APPBP2: variants seen among roughly 807,000 people sequenced by gnomAD.
The protein encoded by APPBP2 is amyloid beta precursor protein binding protein 2, also known as amyloid protein-binding protein 2.
A neutral mutation model predicts 76.0 loss-of-function variants in APPBP2; 15 were observed. The observed-to-expected ratio is 0.20, with a 90% CI of 0.13 to 0.30. APPBP2 has a LOEUF of 0.30. Ranked by LOEUF, APPBP2 falls within the 10% of genes least tolerant of loss-of-function variation. The pLI, the probability that APPBP2 is intolerant of heterozygous loss-of-function variation, is 1.00. For missense variants in APPBP2, 401 were observed against 687.2 expected (o/e 0.58, Z 4.66); for synonymous variants, 222 against 242.2 (o/e 0.92, Z 0.77).
chr17:60,469,483 G>C (rs80145958), intron 4 of APPBP2, among the ~76,000 whole-genome samples: 2,289 of 152,064 alleles, frequency 0.015, 49 homozygotes, highest in African/African-American at 0.051. Context: ...ATACAATTCA[G>C]TGGCATTAAT....
chr17:60,513,464 C>A (rs1345094630), intron 1 of APPBP2: 5 of 592,144 alleles, frequency 8.4e-6, no homozygotes, highest in Non-Finnish European at 1.6e-5. Flanking sequence ...ATAATGCCAA[C>A]AGGGCATTTC....
intron 11 of APPBP2, among the ~76,000 whole-genome samples, chr17:60,453,713 CT>C (rs2090413058): frequency 6.6e-6 from 1 of 151,258 alleles, no homozygotes; most frequent in African/African-American, 2.4e-5. Context: ...CTAACTTTTT[CT>C]TTTTTGTAGA....
chr17:60,456,523 A>C (rs1322194447), intron 9 of APPBP2, 142 bp from the exon 10 acceptor site: 2 of 623,340 alleles, frequency 3.2e-6, no homozygotes, highest in Non-Finnish European at 5.5e-6. Context: ...TTTTGTTTTA[A>C]ATTTCCAATC....
At chr17:60,458,201 A>AG (rs1389673175) in intron 9 of APPBP2, among the ~76,000 whole-genome samples, 3 of 152,168 alleles carry the variant, frequency 2.0e-5, no homozygotes, top group Non-Finnish European at 4.4e-5. Context: ...TAGGAGGCCA[A>AG]GGGGGGCAGA....
chr17:60,462,069 T>C lies in APPBP2; in HGVS notation c.763-8A>G, dbSNP rs1567921119. Reference sequence around the variant, plus strand: ...ACGTTTTACTACACAAGCCTAAAGATAAAGTGAAAAATGGTTAACTCTCAA... The same window carrying C: ...ACGTTTTACTACACAAGCCTAAAGACAAAGTGAAAAATGGTTAACTCTCAA... On this transcript the variant is annotated splice_polypyrimidine_tract_variant and splice_region_variant and intron_variant, in intron 6 of 12. Coordinates refer to ENST00000083182, the MANE Select transcript of APPBP2 (RefSeq NM_006380.5). The C allele has an allele frequency of 6.2e-6, 10 of 1,609,096 alleles. No homozygotes were observed. The highest frequency in any genetic ancestry group is 8.5e-6 in the Non-Finnish European group (10 of 1,175,778).
At position 60,450,033 on chromosome 17, in the gene APPBP2, G is replaced by C. The variant is rs1230077139; in HGVS notation, c.1504+1847C>G. ...GCTGGGCTTGGACTCCTGACCTCAA[G>C]TGATCCACCTGCCTCGGCCTCCCAA... On this transcript the variant is annotated intron_variant, in intron 12 of 12. Transcript: ENST00000083182. Among the ~76,000 whole-genome samples, 5 of 152,114 alleles carry C rather than the reference G, an allele frequency of 3.3e-5. No individual in the cohort carries two copies. The South Asian group carries it at 8.3e-4, about 25-fold the overall frequency.
In APPBP2 at chr17:60,483,272, GTTGT is replaced by G. The variant is rs374775914; in HGVS notation, c.380-4005_380-4002del. On this transcript the variant is annotated intron_variant, in intron 3 of 12. Coordinates refer to ENST00000083182, the MANE Select transcript of APPBP2 (RefSeq NM_006380.5). ...TGTCCTTTGCCCACTTTTTGATGGG[GTTGT>G]TTGATTTTTTCTTGTAAATTCGCTT... Among the ~76,000 whole-genome samples the G allele has an allele frequency of 1.2e-3, 182 of 152,224 alleles. 4 individuals carry two copies. In the East Asian group the frequency reaches 0.029, roughly 24 times the overall value.
At chr17:60,511,759 C>G (rs1598374310) in intron 1 of APPBP2, among the ~76,000 whole-genome samples, 1 of 152,104 alleles carries the variant, frequency 6.6e-6, no homozygotes, top group East Asian at 1.9e-4. Flanking sequence ...TTTTTACCAT[C>G]CATCTACAGA....
intron 3 of APPBP2, among the ~76,000 whole-genome samples, chr17:60,483,640 G>A (rs556241662): frequency 4.6e-5 from 7 of 152,142 alleles, no homozygotes; most frequent in South Asian, 2.1e-4. Context: ...TGATCCGCTC[G>A]CCTCGGCCTC....
intron 1 of APPBP2, among the ~76,000 whole-genome samples, chr17:60,513,720 G>A (rs1042547714): frequency 6.6e-5 from 10 of 151,648 alleles, no homozygotes; most frequent in Admixed American, 5.3e-4. Flanking sequence ...AAAATTAGCC[G>A]GGCGTGGTGG....
intron 3 of APPBP2, 42 bp from the exon 4 acceptor site, chr17:60,479,313 T>C (rs988112279): frequency 1.9e-5 from 30 of 1,567,366 alleles, no homozygotes; most frequent in Non-Finnish European, 2.5e-5. Context: ...ACTTGATAAA[T>C]AGCCTGCAAG....
At chr17:60,480,624 G>C (rs1265049145) in intron 3 of APPBP2, among the ~76,000 whole-genome samples, 2 of 151,988 alleles carry the variant, frequency 1.3e-5, no homozygotes, top group Non-Finnish European at 2.9e-5. Flanking sequence ...ACCAAGTTGA[G>C]CAGAATAATG....
chr17:60,486,321 T>A (rs959221594), intron 3 of APPBP2, among the ~76,000 whole-genome samples: 2 of 152,194 alleles, frequency 1.3e-5, no homozygotes, highest in African/African-American at 4.8e-5. Flanking sequence ...ATTATTATTA[T>A]GTGGGAGTCT....
chr17:60,487,751 G>A (rs892772102), intron 3 of APPBP2, among the ~76,000 whole-genome samples: 2 of 152,226 alleles, frequency 1.3e-5, no homozygotes, highest in Non-Finnish European at 2.9e-5. Flanking sequence ...GCGAGGAGCT[G>A]CAATCCCTTG....
At position 60,526,155 on chromosome 17, in the gene APPBP2, G is replaced by A. The variant is rs560369877; in HGVS notation, c.-224C>T. On this transcript the variant is annotated 5_prime_UTR_variant, in exon 1 of 13. Transcript: ENST00000083182. ...AAAGTGGGACAGAAAACAGCGGCCA[G>A]CCAGGCCAAAAGCGTCACAATCCCG... The A allele has an allele frequency of 7.3e-6, 4 of 551,592 alleles. No individual in the cohort carries two copies. The highest frequency in any genetic ancestry group is 1.3e-5 in the Non-Finnish European group (4 of 306,820). 34.2% of individuals were successfully genotyped at this position (551,592 alleles called of 1,614,324 possible). A position where few individuals can be genotyped will look rare whatever the true frequency, so the allele number is the denominator to read the frequency against.
intron 3 of APPBP2, among the ~76,000 whole-genome samples, chr17:60,482,256 A>C (rs2090635859): frequency 6.6e-6 from 1 of 152,214 alleles, no homozygotes; most frequent in South Asian, 2.1e-4. Context: ...AAATACTTAT[A>C]AACAAGAAAT....
chr17:60,475,729 GTTC>G (rs1318149058), intron 4 of APPBP2, among the ~76,000 whole-genome samples: 2 of 148,998 alleles, frequency 1.3e-5, no homozygotes, highest in South Asian at 2.1e-4. Flanking sequence ...AGTTCAAGAA[GTTC>G]TTTTTATTAT....
intron 9 of APPBP2, chr17:60,459,400 A>G (rs566916354): frequency 2.0e-4 from 30 of 151,988 alleles, no homozygotes; most frequent in African/African-American, 6.8e-4. Flanking sequence ...TTTGGGTTCA[A>G]CTGTGACACC....
At chr17:60,490,758 T>C (rs2090722156) in intron 3 of APPBP2, among the ~76,000 whole-genome samples, 1 of 152,140 alleles carries the variant, frequency 6.6e-6, no homozygotes, top group African/African-American at 2.4e-5. Flanking sequence ...GTTCTTGTGG[T>C]AGTAAGTCTC....
Sources: allele counts gnomAD v4.1 joint callset (sites outside exome capture counted in the v4.1 genomes callset), GRCh38; gene constraint gnomAD v4.1.1; transcripts MANE v1.5; gene names NCBI Gene and HGNC (gene_info 2026-07-23, HGNC 2026-07-21).